The following RET variants were observed in gnomAD, a reference collection of about 807,000 sequenced individuals.
The protein encoded by RET is ret proto-oncogene, also known as proto-oncogene tyrosine-protein kinase receptor Ret.
A neutral mutation model predicts 118.3 loss-of-function variants in RET; 19 were observed. That is an observed-to-expected ratio of 0.16 (90% CI 0.11 to 0.24). RET has a LOEUF of 0.24. Ranked by LOEUF, RET falls within the 10% of genes least tolerant of loss-of-function variation. The pLI is 1.00. For synonymous variants in RET, 597 were observed against 644.1 expected, an observed-to-expected ratio of 0.93 and a Z score of 1.11; for missense variants, 1,219 against 1,502.1, an observed-to-expected ratio of 0.81 and a Z score of 3.12.
chr10:43,127,552 C>A, intron 19 of RET: 4 of 944,690 alleles, frequency 4.2e-6, no homozygotes, highest in Non-Finnish European at 5.1e-6. Context: ...CTTGGAGTTT[C>A]AAGCATTTTT....
intron 16 of RET, 56 bp from the exon 17 acceptor site, chr10:43,123,615 G>A (rs562144642): frequency 6.7e-5 from 108 of 1,612,540 alleles, no homozygotes; most frequent in East Asian, 5.6e-4. Flanking sequence ...TGGGCCCCCC[G>A]GAGGGCTCTG....
At chr10:43,105,821 G>A (rs1193294640) in intron 4 of RET, among the ~76,000 whole-genome samples, 1 of 152,224 alleles carries the variant, frequency 6.6e-6, no homozygotes, top group Non-Finnish European at 1.5e-5. Context: ...CAATTTGTGA[G>A]TAAAGGCTAT....
chr10:43,126,242 C>T (rs1588880800), intron 18 of RET, among the ~76,000 whole-genome samples: 1 of 152,222 alleles, frequency 6.6e-6, no homozygotes, highest in African/African-American at 2.4e-5. Context: ...GGGCCAGGGG[C>T]AGCTAGATGA....
At chr10:43,088,146 TGTG>T (rs758232030) in intron 1 of RET, among the ~76,000 whole-genome samples, 61 of 137,104 alleles carry the variant, frequency 4.4e-4, no homozygotes, top group East Asian at 6.6e-4. Context: ...TGGAGGCAGT[TGTG>T]GTGGTGATGG....
rs776300640 is a variant in RET, at chr10:43,106,536, A to G, written c.1028A>G (p.Asn343Ser). The G allele has an allele frequency of 4.3e-6, 7 of 1,613,682 alleles. No individual in the cohort carries two copies. The South Asian group carries it at 7.7e-5, about 18-fold the overall frequency. The change falls in exon 5 of 20, where the codon AAC (asparagine) becomes AGC (serine). Residue 343 changes from asparagine (N) to serine (S), a missense_variant. Physicochemically the swap from Asn to Ser is conservative, Grantham distance 46. Around this residue, in one of 5 missense-constraint regions of RET, gnomAD observed 850 missense variants for 969.6 expected, o/e 0.88. Transcript: ENST00000355710. This position sits in a 1 kb window ranked among gnomAD's most constrained non-coding sequence, Gnocchi z 5.1. ...HWPNETSVQA[N>S]GSFVRATVHD... Reference sequence around the variant, plus strand: ...CCCAACGAGACCTCGGTCCAGGCCAACGGCAGCTTCGTGCGGGCGACCGTA... The same window carrying G: ...CCCAACGAGACCTCGGTCCAGGCCAGCGGCAGCTTCGTGCGGGCGACCGTA...
intron 11 of RET, among the ~76,000 whole-genome samples, chr10:43,115,232 G>A (rs1838044798): frequency 6.6e-6 from 1 of 152,240 alleles, no homozygotes; most frequent in Admixed American, 6.5e-5. Context: ...AGAGCCAAGG[G>A]TGTGAGTGAA....
chr10:43,107,179 C>G lies in RET; in HGVS notation c.1063+608C>G, dbSNP rs545408790. 4.6e-5 allele frequency among the ~76,000 whole-genome samples: 7 copies of G among 152,330 alleles called. No individual in the cohort carries two copies. In the South Asian group the frequency reaches 1.5e-3, roughly 32 times the overall value. On this transcript the variant is annotated intron_variant, in intron 5 of 19. Coordinates refer to ENST00000355710, the MANE Select transcript of RET (RefSeq NM_020975.6). ...AACCACCTGCATTTGGGGTCTGTGT[C>G]TGGTGGAACCCCAGGCCATGAGTCC...
intron 1 of RET, among the ~76,000 whole-genome samples, chr10:43,082,925 A>G (rs965417892): frequency 6.6e-6 from 1 of 152,114 alleles, no homozygotes; most frequent in Non-Finnish European, 1.5e-5. Context: ...TCTTCCTCAT[A>G]CTACTTGGCA....
Position 43,114,467 on chromosome 10 carries a change from C to T in RET, c.1880-13C>T, listed in dbSNP as rs948277023. 1.2e-6 allele frequency: 2 copies of T among 1,605,246 alleles called. No individual in the cohort carries two copies. Among genetic ancestry groups the T allele is most frequent in the Non-Finnish European group, 1.7e-6 (2 of 1,179,946 alleles). On this transcript the variant is annotated splice_polypyrimidine_tract_variant and intron_variant, in intron 10 of 19. Coordinates refer to ENST00000355710, the MANE Select transcript of RET (RefSeq NM_020975.6). The surrounding 1 kb of genome is among the most constrained non-coding windows in gnomAD (Gnocchi z 4.6). Reference sequence around the variant, plus strand: ...TCTGGCGGTGCCAAGCCTCACACCACCCCCACCCACAGATCCACTGTGCGA... The same window carrying T: ...TCTGGCGGTGCCAAGCCTCACACCATCCCCACCCACAGATCCACTGTGCGA...
At position 43,077,245 on chromosome 10, in the gene RET, A is replaced by C; in HGVS notation, c.-14A>C. 6.7e-7 allele frequency: 1 copy of C among 1,496,918 alleles called. No individual in the cohort carries two copies. Among genetic ancestry groups the C allele is most frequent in the Non-Finnish European group, 8.9e-7 (1 of 1,128,424 alleles). 92.7% of individuals were successfully genotyped at this position (1,496,918 alleles called of 1,614,324 possible). A position where few individuals can be genotyped will look rare whatever the true frequency, so the allele number is the denominator to read the frequency against. ...CCGCAGTCCCTCCAGCCGTGGCCCC[A>C]GCGCGCACGGGCGATGGCGAAGGCG... On this transcript the variant is annotated 5_prime_UTR_variant, in exon 1 of 20. Coordinates refer to ENST00000355710, the MANE Select transcript of RET (RefSeq NM_020975.6).
chr10:43,113,625 A>T lies in RET; in HGVS notation c.1829A>T (p.Asn610Ile), dbSNP rs1837994115. Residue 610 changes from asparagine to isoleucine, a missense_variant, in exon 10 of 20, where the codon AAC becomes ATC. Around this residue, in one of 5 missense-constraint regions of RET, gnomAD observed 850 missense variants for 969.6 expected, o/e 0.88. Transcript: ENST00000355710. ...ATTAAAGCTGGCTATGGCACCTGCA[A>T]CTGCTTCCCTGAGGAGGAGAAGTGC... ...RGIKAGYGTC[N>I]CFPEEEKCFC... 1 of 1,613,376 alleles carries T rather than the reference A, an allele frequency of 6.2e-7. No homozygotes were observed.
At position 43,114,722 on chromosome 10, in the gene RET, G is replaced by T; in HGVS notation, c.2122G>T (p.Ala708Ser). 6.2e-7 allele frequency: 1 copy of T among 1,610,692 alleles called. No homozygotes were observed. The part of the protein sequence containing the change: ...DSMENQVSVD[A>S]FKILEDPKWE... ...CATGGAGAACCAGGTCTCCGTGGAT[G>T]CCTTCAAGATCCTGGTGAGGGTCCC... is the stretch of plus-strand genomic sequence containing the variant. Residue 708 changes from alanine to serine, a missense_variant, in exon 11 of 20, where the codon GCC becomes TCC. By Grantham distance (99) the Ala-to-Ser change is moderately conservative. Coordinates refer to ENST00000355710, the MANE Select transcript of RET (RefSeq NM_020975.6). This position sits in a 1 kb window ranked among gnomAD's most constrained non-coding sequence, Gnocchi z 4.6.
In RET at chr10:43,120,254, A is replaced by T. The variant is rs1298766031; in HGVS notation, c.2730+51A>T. On this transcript the variant is annotated intron_variant, in intron 15 of 19. Coordinates refer to ENST00000355710, the MANE Select transcript of RET (RefSeq NM_020975.6). ...GGCTCCCAGGGATCCCAGGTGCACCATGGGGCAGGCAGTGCCCTTGGGAAG... is the reference window on the plus strand; with the variant it reads ...GGCTCCCAGGGATCCCAGGTGCACCTTGGGGCAGGCAGTGCCCTTGGGAAG... The T allele has an allele frequency of 5.0e-6, 8 of 1,607,908 alleles. No individual in the cohort carries two copies. In the East Asian group the frequency reaches 1.8e-4, roughly 36 times the overall value.
chr10:43,125,894 G>A (rs551429985), intron 18 of RET, among the ~76,000 whole-genome samples: 8 of 152,304 alleles, frequency 5.3e-5, no homozygotes, highest in South Asian at 2.1e-4. Context: ...AAACAGAAGC[G>A]ATCACTGGTG....
At chr10:43,127,441 T>C (rs768607690) in intron 19 of RET, 1 of 1,054,422 alleles carries the variant, frequency 9.5e-7, no homozygotes, top group Non-Finnish European at 1.1e-6. Context: ...GGTCTTACAA[T>C]GGACAGTAAA....
At chr10:43,086,440 T>C (rs2132556913) in intron 1 of RET, among the ~76,000 whole-genome samples, 1 of 152,118 alleles carries the variant, frequency 6.6e-6, no homozygotes, top group African/African-American at 2.4e-5. Flanking sequence ...ATGATCTGAG[T>C]CACTGCCTTG....
At chr10:43,113,047 G>T (rs1465412679) in intron 9 of RET, 84 bp downstream of exon 9, 3 of 1,120,552 alleles carry the variant, frequency 2.7e-6, no homozygotes, top group Non-Finnish European at 4.0e-6. Flanking sequence ...AGCCAGAGTT[G>T]CCAGGGCTGT....
chr10:43,077,465 C>T, intron 1 of RET, 134 bp downstream of exon 1: 3 of 1,186,478 alleles, frequency 2.5e-6, no homozygotes, highest in South Asian at 2.8e-5. Context: ...CACCCGGCCT[C>T]GGCTGGGAGC....
intron 17 of RET, among the ~76,000 whole-genome samples, chr10:43,124,158 G>A (rs953160428): frequency 6.6e-6 from 1 of 152,138 alleles, no homozygotes; most frequent in Non-Finnish European, 1.5e-5. Context: ...GAGTGGAGGT[G>A]CAGAGCCAGG....
Sources: gnomAD v4.1 joint callset for allele counts (sites outside exome capture counted in the v4.1 genomes callset) on GRCh38, gnomAD v4.1.1 for gene constraint, gnomAD v4.1.1 regional missense constraint, Gnocchi (gnomAD v3.1) non-coding constraint, MANE v1.5 for transcripts, NCBI Gene and HGNC (gene_info 2026-07-23, HGNC 2026-07-21) for gene names.